HDHD2: variants seen among roughly 807,000 people sequenced by gnomAD.
HDHD2 encodes haloacid dehalogenase-like hydrolase domain-containing protein 2.
A neutral mutation model predicts 24.8 loss-of-function variants in HDHD2; 26 were observed. The ratio of observed to expected loss-of-function variants is 1.05; its 90% CI spans 0.77 to 1.45. HDHD2 has a LOEUF of 1.45. HDHD2 is among the 40% of genes most tolerant of loss of function. HDHD2 has a pLI of 0.00. For missense variants in HDHD2, 299 were observed against 313.4 expected, an observed-to-expected ratio of 0.95 and a Z score of 0.35; for synonymous variants, 128 against 114.9, an observed-to-expected ratio of 1.11 and a Z score of -0.73.
At position 47,115,136 on chromosome 18, in the gene HDHD2, C is replaced by T; in HGVS notation, c.608G>A (p.Gly203Glu). Residue 203 changes from glycine (G) to glutamate (E), a missense_variant, in exon 5 of 7, where the codon GGA (glycine) becomes GAA (glutamate). Physicochemically the swap from Gly to Glu is moderately conservative, Grantham distance 98. Coordinates refer to ENST00000300605, the MANE Select transcript of HDHD2 (RefSeq NM_032124.5). ...CTCCTGGGTTCTTCTACTTACATCT[C>T]CTATCATGACAGCCTCCTCAGGTTC... ...GCEPEEAVMI[G>E]DDCRDDVGGA... The T allele has an allele frequency of 6.2e-7, 1 of 1,612,146 alleles. No homozygotes were observed. The highest frequency in any genetic ancestry group is 8.5e-7 in the Non-Finnish European group (1 of 1,178,830).
chr18:47,126,375 T>C (rs1333059030), intron 4 of HDHD2, among the ~76,000 whole-genome samples: 2 of 152,104 alleles, frequency 1.3e-5, no homozygotes, highest in Admixed American at 1.3e-4. Flanking sequence ...GGATTTAATA[T>C]ACCAGAGTAA....
intron 1 of HDHD2, among the ~76,000 whole-genome samples, chr18:47,144,799 C>CAAAA (rs200234127): frequency 2.9e-4 from 18 of 61,254 alleles, no homozygotes; most frequent in Non-Finnish European, 4.9e-4. Flanking sequence ...GACCCTGTCT[C>CAAAA]AAAAAAAAAA....
chr18:47,148,092 G>A lies in HDHD2; in HGVS notation c.-11+2286C>T, dbSNP rs923820759. ...TGCAACCTCTGCCTCCCCGGCTCAA[G>A]CCATCCTCCCACCTCCGCCTCCCAA... On this transcript the variant is annotated intron_variant, in intron 1 of 6. Coordinates refer to ENST00000300605, the MANE Select transcript of HDHD2 (RefSeq NM_032124.5). Among the ~76,000 whole-genome samples, 4 of 150,874 alleles carry A rather than the reference G, an allele frequency of 2.7e-5. No individual in the cohort carries two copies. The East Asian group carries it at 7.8e-4, about 30-fold the overall frequency.
chr18:47,115,956 G>A (rs1363138992), intron 4 of HDHD2, among the ~76,000 whole-genome samples: 1 of 152,064 alleles, frequency 6.6e-6, no homozygotes, highest in Admixed American at 6.6e-5. Flanking sequence ...AAGATTTACA[G>A]GAGACCCTTC....
chr18:47,108,521 C>G lies in HDHD2; in HGVS notation c.*161G>C, dbSNP rs1046740899. On this transcript the variant is annotated 3_prime_UTR_variant, in exon 7 of 7. Transcript: ENST00000300605. ...AGATTAGCAAGGCTTACTGGCTAGC[C>G]GCAATTCAATACCTTTCTTTCTAAT... 1 of 472,508 alleles carries G rather than the reference C, an allele frequency of 2.1e-6. No individual in the cohort carries two copies. The highest frequency in any genetic ancestry group is 2.0e-5 in the African/African-American group (1 of 49,482). The allele number at this position is 472,508 out of a possible 1,614,324, so 29.3% of individuals were successfully genotyped here.
At chr18:47,138,097 G>A (rs191695422) in intron 1 of HDHD2, among the ~76,000 whole-genome samples, 53 of 141,258 alleles carry the variant, frequency 3.8e-4, no homozygotes, top group Non-Finnish European at 6.7e-4. Context: ...ACTTGAACCC[G>A]GGAAGTGGAG....
intron 1 of HDHD2, among the ~76,000 whole-genome samples, chr18:47,147,111 T>A (rs2063879281): frequency 6.6e-6 from 1 of 152,178 alleles, no homozygotes; most frequent in Non-Finnish European, 1.5e-5. Context: ...AGTCCAGTAG[T>A]CCAGACAATT....
intron 4 of HDHD2, among the ~76,000 whole-genome samples, chr18:47,121,338 CA>C (rs1202387246): frequency 6.6e-6 from 1 of 152,150 alleles, no homozygotes; most frequent in Non-Finnish European, 1.5e-5. Context: ...CAATCTTTCC[CA>C]TCTCTGTAAT....
intron 6 of HDHD2, chr18:47,111,839 T>C (rs763909845): frequency 1.0e-4 from 101 of 982,574 alleles, no homozygotes; most frequent in Non-Finnish European, 1.2e-4. Context: ...TGAACAAACA[T>C]CATAGTCACT....
chr18:47,135,700 G>A (rs942399451), intron 2 of HDHD2, among the ~76,000 whole-genome samples: 2 of 152,058 alleles, frequency 1.3e-5, no homozygotes, highest in Admixed American at 6.6e-5. Context: ...ATATGTTATT[G>A]GTTCTGTTGT....
chr18:47,133,455 T>C (rs1250460047), intron 3 of HDHD2, among the ~76,000 whole-genome samples: 1 of 146,234 alleles, frequency 6.8e-6, no homozygotes, highest in Non-Finnish European at 1.5e-5. Context: ...ACAGTAAACA[T>C]ATGTGTGCAT....
At chr18:47,131,456 C>T (rs1207098376) in intron 3 of HDHD2, among the ~76,000 whole-genome samples, 1 of 152,148 alleles carries the variant, frequency 6.6e-6, no homozygotes, top group African/African-American at 2.4e-5. Flanking sequence ...AGACTCATAC[C>T]ATGCCTGTCC....
chr18:47,141,669 T>A (rs2063821010), intron 1 of HDHD2, among the ~76,000 whole-genome samples: 1 of 152,218 alleles, frequency 6.6e-6, no homozygotes, highest in African/African-American at 2.4e-5. Context: ...AAAATTGTTT[T>A]AGCTTTGGCC....
At position 47,136,445 on chromosome 18, in the gene HDHD2, A is replaced by G. The variant is rs1235474595; in HGVS notation, c.-6T>C. The G allele has an allele frequency of 2.5e-6, 4 of 1,611,882 alleles. No homozygotes were observed. The highest frequency in any genetic ancestry group is 2.5e-6 in the Non-Finnish European group (3 of 1,179,646). ...AATGCACGGCATGCTGCCATCCTTC[A>G]TTCCCTAGGAGAGAGCAAATGAAAT... is the stretch of plus-strand genomic sequence containing the variant. On this transcript the variant is annotated 5_prime_UTR_variant, in exon 2 of 7. An upstream start codon of the reference 5' UTR is lost. Coordinates refer to ENST00000300605, the MANE Select transcript of HDHD2 (RefSeq NM_032124.5).
At chr18:47,117,384 T>C (rs1184796232) in intron 4 of HDHD2, among the ~76,000 whole-genome samples, 1 of 152,054 alleles carries the variant, frequency 6.6e-6, no homozygotes, top group East Asian at 1.9e-4. Context: ...AGAAATAGGT[T>C]AGTTATTGCA....
At chr18:47,129,348 C>T (rs186280568) in intron 4 of HDHD2, among the ~76,000 whole-genome samples, 7 of 152,126 alleles carry the variant, frequency 4.6e-5, no homozygotes, top group Admixed American at 4.6e-4. Context: ...TTTATAATAT[C>T]TTATATACTA....
intron 3 of HDHD2, 183 bp downstream of exon 3, chr18:47,134,313 T>C (rs934727236): frequency 9.9e-6 from 6 of 604,352 alleles, no homozygotes; most frequent in Non-Finnish European, 1.8e-5. Context: ...GTGTTTCACT[T>C]ACTGTGGATT....
chr18:47,145,745 T>C (rs2063863266), intron 1 of HDHD2, among the ~76,000 whole-genome samples: 1 of 151,884 alleles, frequency 6.6e-6, no homozygotes, highest in African/African-American at 2.4e-5. Context: ...GCACAAACCA[T>C]TGAAGAAAAG....
chr18:47,114,499 G>T (rs1291073869), intron 5 of HDHD2, among the ~76,000 whole-genome samples: 1 of 152,190 alleles, frequency 6.6e-6, no homozygotes, highest in African/African-American at 2.4e-5. Context: ...CCATGTGGCA[G>T]TGTGCTTTCC....
Sources: allele counts gnomAD v4.1 joint callset (sites outside exome capture counted in the v4.1 genomes callset), GRCh38; gene constraint gnomAD v4.1.1; transcripts MANE v1.5; gene names NCBI Gene and HGNC (gene_info 2026-07-23, HGNC 2026-07-21).